The following WWOX variants were observed in gnomAD, a reference collection of about 807,000 sequenced individuals.
WWOX encodes the protein WW domain containing oxidoreductase, also known as WW domain-containing oxidoreductase.
A neutral mutation model predicts 46.2 loss-of-function variants in WWOX; 69 were observed. That is an observed-to-expected ratio of 1.49 (90% CI 1.23 to 1.82). The LOEUF is 1.82. WWOX is among the 40% of genes most tolerant of loss of function. The pLI is 0.00. For missense variants in WWOX, 919 were observed against 542.6 expected (o/e 1.69, Z -6.89); for synonymous variants, 359 against 202.6 (o/e 1.77, Z -6.56).
chr16:78,588,070 G>T (rs1168145204), intron 8 of WWOX, among the ~76,000 whole-genome samples: 1 of 152,188 alleles, frequency 6.6e-6, no homozygotes, highest in Non-Finnish European at 1.5e-5. Flanking sequence ...GGTGGTCACA[G>T]CCCTGCTTTG....
Position 78,559,345 on chromosome 16 carries a change from G to T in WWOX, c.1056+126593G>T, listed in dbSNP as rs897128754. Among the ~76,000 whole-genome samples, 193 of 152,162 alleles carry T rather than the reference G, an allele frequency of 1.3e-3. 2 individuals are homozygous for T. The highest frequency in any genetic ancestry group is 4.5e-3 in the African/African-American group (188 of 41,428). On this transcript the variant is annotated intron_variant, in intron 8 of 8. Coordinates refer to ENST00000566780, the MANE Select transcript of WWOX (RefSeq NM_016373.4). Reference sequence around the variant, plus strand: ...GCAGGTGGGCTCCTAGAATAGTCCCGGCAAGAGATCATGGAGGCCAGAGCC... The same window carrying T: ...GCAGGTGGGCTCCTAGAATAGTCCCTGCAAGAGATCATGGAGGCCAGAGCC...
chr16:78,913,607 G>A (rs1217278344), intron 8 of WWOX, among the ~76,000 whole-genome samples: 1 of 151,606 alleles, frequency 6.6e-6, no homozygotes, highest in South Asian at 2.1e-4. Context: ...ATCTTTTACT[G>A]TATCATAGTA....
In WWOX at chr16:79,111,740, A is replaced by G. The variant is rs965164386; in HGVS notation, c.1057-99868A>G. ...ATCAGGAGGTCACAGTGACAAAAGT[A>G]TTTAGGCTCATCATATTAGAATTTC... is the stretch of plus-strand genomic sequence containing the variant. On this transcript the variant is annotated intron_variant, in intron 8 of 8. Coordinates refer to ENST00000566780, the MANE Select transcript of WWOX (RefSeq NM_016373.4). Among the ~76,000 whole-genome samples the G allele has an allele frequency of 3.3e-5, 5 of 152,198 alleles. No individual in the cohort carries two copies. The East Asian group carries it at 9.6e-4, about 29-fold the overall frequency.
chr16:78,791,875 T>C (rs1420002894), intron 8 of WWOX, among the ~76,000 whole-genome samples: 1 of 152,016 alleles, frequency 6.6e-6, no homozygotes, highest in Non-Finnish European at 1.5e-5. Context: ...GAAACTTTTG[T>C]CTCAAAAACA....
chr16:78,422,029 ATATTT>A (rs1233341550), intron 6 of WWOX, among the ~76,000 whole-genome samples: 1 of 152,220 alleles, frequency 6.6e-6, no homozygotes, highest in African/African-American at 2.4e-5. Context: ...TTGATAGAAA[ATATTT>A]TAATATTTAC....
At chr16:78,717,017 T>G (rs2048580631) in intron 8 of WWOX, among the ~76,000 whole-genome samples, 1 of 152,214 alleles carries the variant, frequency 6.6e-6, no homozygotes, top group Admixed American at 6.5e-5. Context: ...CCCATGGTTG[T>G]CTGTGAGGAC....
chr16:78,649,166 G>T (rs956165116), intron 8 of WWOX, among the ~76,000 whole-genome samples: 1 of 152,002 alleles, frequency 6.6e-6, no homozygotes, highest in African/African-American at 2.4e-5. Context: ...TTGTATTTTA[G>T]TAGAGACGGG....
At chr16:79,046,958 G>C (rs140645026) in intron 8 of WWOX, among the ~76,000 whole-genome samples, 45 of 152,136 alleles carry the variant, frequency 3.0e-4, no homozygotes, top group Middle Eastern at 3.4e-3. Flanking sequence ...CCATGTAAAA[G>C]TAACCCCCAG....
At chr16:79,147,516 A>G (rs556704263) in intron 8 of WWOX, among the ~76,000 whole-genome samples, 2 of 152,324 alleles carry the variant, frequency 1.3e-5, no homozygotes, top group African/African-American at 4.8e-5. Flanking sequence ...GCTGAAGGAA[A>G]TCTAGTCTTG....
At chr16:78,617,940 G>A (rs994212214) in intron 8 of WWOX, among the ~76,000 whole-genome samples, 1 of 152,188 alleles carries the variant, frequency 6.6e-6, no homozygotes, top group African/African-American at 2.4e-5. Flanking sequence ...GTGTGAGTGG[G>A]AAAGGACTTT....
At chr16:78,939,864 G>A (rs755649197) in intron 8 of WWOX, among the ~76,000 whole-genome samples, 33 of 152,150 alleles carry the variant, frequency 2.2e-4, no homozygotes, top group Non-Finnish European at 4.7e-4. Context: ...TGGCATAGAC[G>A]TGTGGACGTT....
intron 8 of WWOX, among the ~76,000 whole-genome samples, chr16:78,797,898 GGATT>G (rs1391679526): frequency 1.3e-5 from 2 of 152,208 alleles, no homozygotes; most frequent in Non-Finnish European, 2.9e-5. Context: ...TGACATGGGA[GGATT>G]GATTGAGCCC....
At chr16:78,266,810 CTCTCTCTCTCTCTCTG>C (rs1382512887) in intron 5 of WWOX, among the ~76,000 whole-genome samples, 2 of 143,332 alleles carry the variant, frequency 1.4e-5, no homozygotes, top group Non-Finnish European at 3.0e-5. Flanking sequence ...CTCTCTCTCT[CTCTCTCTCTCTCTCTG>C]TCTCCCTCTC....
chr16:79,043,744 G>A (rs1034864794), intron 8 of WWOX, among the ~76,000 whole-genome samples: 1 of 152,168 alleles, frequency 6.6e-6, no homozygotes, highest in African/African-American at 2.4e-5. Flanking sequence ...TCTGGATCCA[G>A]GCTGAAATGA....
intron 8 of WWOX, among the ~76,000 whole-genome samples, chr16:78,446,385 T>G (rs2083561337): frequency 6.6e-6 from 1 of 152,160 alleles, no homozygotes; most frequent in African/African-American, 2.4e-5. Flanking sequence ...CAGGTCCTTG[T>G]CTGCCTTTGC....
intron 8 of WWOX, among the ~76,000 whole-genome samples, chr16:78,448,696 C>A (rs1471177796): frequency 6.6e-6 from 1 of 152,126 alleles, no homozygotes; most frequent in Non-Finnish European, 1.5e-5. Flanking sequence ...GTTGTTGTTG[C>A]TGTTTTAATG....
intron 8 of WWOX, among the ~76,000 whole-genome samples, chr16:78,990,459 C>A (rs990355835): frequency 5.9e-5 from 9 of 152,096 alleles, no homozygotes; most frequent in Admixed American, 2.6e-4. Flanking sequence ...TCCGGAGCTA[C>A]TAAAGGTCAA....
chr16:78,312,965 G>A (rs761119708), intron 5 of WWOX, among the ~76,000 whole-genome samples: 1 of 152,186 alleles, frequency 6.6e-6, no homozygotes, highest in African/African-American at 2.4e-5. Context: ...TGGTGTACAG[G>A]AGGGTTAAGT....
At chr16:78,834,200 C>G (rs765323512) in intron 8 of WWOX, among the ~76,000 whole-genome samples, 9 of 152,158 alleles carry the variant, frequency 5.9e-5, no homozygotes, top group Non-Finnish European at 1.2e-4. Context: ...TGTAAATTTG[C>G]ATTGTTTGTG....
Sources: gnomAD v4.1 joint callset for allele counts (sites outside exome capture counted in the v4.1 genomes callset) on GRCh38, gnomAD v4.1.1 for gene constraint, MANE v1.5 for transcripts, NCBI Gene and HGNC (gene_info 2026-07-23, HGNC 2026-07-21) for gene names.